FCHSD2: variants seen among roughly 807,000 people sequenced by gnomAD.
FCHSD2 encodes the protein FCH and double SH3 domains 2.
Under a neutral mutation model 108.1 loss-of-function variants are expected in FCHSD2, and 38 were observed. That is an observed-to-expected ratio of 0.35 (90% CI 0.27 to 0.46). The LOEUF (loss-of-function observed/expected upper bound fraction) is 0.46. Ranked by LOEUF, FCHSD2 falls within the 20% of genes least tolerant of loss-of-function variation. The pLI is 1.00. For missense variants in FCHSD2, 751 were observed against 897.8 expected (o/e 0.84, Z 2.09); for synonymous variants, 279 against 314.7 (o/e 0.89, Z 1.20).
chr11:73,013,573 G>C (rs1857906779), intron 4 of FCHSD2, among the ~76,000 whole-genome samples: 1 of 152,198 alleles, frequency 6.6e-6, no homozygotes, highest in Admixed American at 6.5e-5. Context: ...ATAGCTATCT[G>C]ACCTTGAGTA....
chr11:72,998,865 T>C (rs1037033787), intron 5 of FCHSD2, among the ~76,000 whole-genome samples: 2 of 152,180 alleles, frequency 1.3e-5, no homozygotes, highest in Non-Finnish European at 2.9e-5. Flanking sequence ...TTGTGCACTG[T>C]TGGTGGGAAT....
intron 2 of FCHSD2, among the ~76,000 whole-genome samples, chr11:73,091,131 T>C (rs1859946468): frequency 6.6e-6 from 1 of 152,242 alleles, no homozygotes; most frequent in Non-Finnish European, 1.5e-5. Context: ...TTCCATTCTA[T>C]GAGTATACCA....
intron 3 of FCHSD2, among the ~76,000 whole-genome samples, chr11:73,052,346 C>T (rs978301575): frequency 2.0e-5 from 3 of 151,956 alleles, no homozygotes; most frequent in South Asian, 2.1e-4. Context: ...CAGATTAAGC[C>T]GTTTACTCCA....
At chr11:73,018,339 T>C (rs1858019394) in intron 3 of FCHSD2, among the ~76,000 whole-genome samples, 2 of 152,182 alleles carry the variant, frequency 1.3e-5, no homozygotes, top group African/African-American at 4.8e-5. Flanking sequence ...TTCTCATTCT[T>C]TGGGTCTTAC....
In FCHSD2 at chr11:72,842,741, T is replaced by G; in HGVS notation, c.1806A>C (p.Gln602His). The G allele has an allele frequency of 6.2e-7, 1 of 1,614,036 alleles. No homozygotes were observed. The highest frequency in any genetic ancestry group is 1.1e-5 in the South Asian group (1 of 91,084). Residue 602 changes from glutamine to histidine, a missense_variant, in exon 17 of 20, where the codon CAA becomes CAC. Gln to His is a conservative substitution (Grantham distance 24). Coordinates refer to ENST00000409418, the MANE Select transcript of FCHSD2 (RefSeq NM_014824.3). Reference protein sequence around the residue: ...AIIRILNKENQDDDGFWEGEF... With the variant: ...AIIRILNKENHDDDGFWEGEF... ...CCCCTTCCCAGAAGCCATCATCATC[T>G]TGGTTTTCTTTGTTCAAGATACGGA...
intron 8 of FCHSD2, among the ~76,000 whole-genome samples, chr11:72,948,070 C>A (rs923702698): frequency 6.6e-6 from 1 of 152,100 alleles, no homozygotes; most frequent in African/African-American, 2.4e-5. Context: ...TGCAGTGGTG[C>A]GATCTCGGCT....
chr11:73,078,867 G>A (rs941679028), intron 3 of FCHSD2, among the ~76,000 whole-genome samples: 11 of 152,072 alleles, frequency 7.2e-5, no homozygotes, highest in South Asian at 2.1e-4. Context: ...AGAGGCATGC[G>A]TCACCTCGCC....
chr11:73,139,260 G>T (rs940067055), intron 2 of FCHSD2, among the ~76,000 whole-genome samples: 1 of 152,174 alleles, frequency 6.6e-6, no homozygotes, highest in Non-Finnish European at 1.5e-5. Flanking sequence ...AACTGATGAG[G>T]CTTACAGACC....
chr11:72,945,181 G>A (rs1856495169), intron 8 of FCHSD2, among the ~76,000 whole-genome samples: 1 of 152,146 alleles, frequency 6.6e-6, no homozygotes, highest in Non-Finnish European at 1.5e-5. Context: ...AAACAGCATG[G>A]TACTGGTACC....
intron 3 of FCHSD2, among the ~76,000 whole-genome samples, chr11:73,075,011 A>G (rs1359319069): frequency 6.6e-6 from 1 of 152,220 alleles, no homozygotes; most frequent in African/African-American, 2.4e-5. Flanking sequence ...CAGGCACTTA[A>G]TAACACAAAA....
rs964049646 is a variant in FCHSD2, at chr11:73,043,994, T to C, written c.166-28109A>G. On this transcript the variant is annotated intron_variant, in intron 3 of 19. Transcript: ENST00000409418. ...AACAAACTATTAGGTGAGTGAGAAA[T>C]AAATTTCTTTTTATAAGCCTCAGTG... Among the ~76,000 whole-genome samples the C allele has an allele frequency of 2.6e-5, 4 of 152,156 alleles. 1 individual carries two copies. The highest frequency in any genetic ancestry group is 4.4e-5 in the Non-Finnish European group (3 of 68,014).
intron 18 of FCHSD2, 30 bp from the exon 19 acceptor site, chr11:72,840,989 T>A: frequency 1.3e-6 from 2 of 1,547,896 alleles, no homozygotes; most frequent in African/African-American, 1.4e-5. Flanking sequence ...AAGCTCATTT[T>A]ACTTGAGTTG....
chr11:73,013,090 C>T (rs1028679136), intron 4 of FCHSD2, among the ~76,000 whole-genome samples: 1 of 152,154 alleles, frequency 6.6e-6, no homozygotes, highest in Non-Finnish European at 1.5e-5. Flanking sequence ...TTCAACACCT[C>T]CATTACGTTC....
At chr11:73,046,185 T>C (rs1858761545) in intron 3 of FCHSD2, among the ~76,000 whole-genome samples, 1 of 151,832 alleles carries the variant, frequency 6.6e-6, no homozygotes, top group Non-Finnish European at 1.5e-5. Context: ...AAGACAGGGG[T>C]CTTGCCATCT....
intron 4 of FCHSD2, among the ~76,000 whole-genome samples, chr11:73,011,402 T>C (rs1201137166): frequency 2.6e-5 from 4 of 152,126 alleles, no homozygotes; most frequent in Non-Finnish European, 5.9e-5. Flanking sequence ...AGGTGGGGAA[T>C]ACTTGCCCCA....
rs59906199 is a variant in FCHSD2 at position 72,947,758 on chromosome 11, T to TGCTC, written c.706-25809_706-25808insGAGC. 1.3e-3 allele frequency among the ~76,000 whole-genome samples: 195 copies of TGCTC among 152,134 alleles called. No individual in the cohort carries two copies. In the Middle Eastern group the frequency reaches 0.014, roughly 11 times the overall value. ...AAATATTGAAAACATAATTTTCTCA[T>TGCTC]AAAGAAAATTAAATACAGAAAAATC... On this transcript the variant is annotated intron_variant, in intron 8 of 19. Coordinates refer to ENST00000409418, the MANE Select transcript of FCHSD2 (RefSeq NM_014824.3).
chr11:73,087,565 C>G (rs920388487), intron 2 of FCHSD2, among the ~76,000 whole-genome samples: 3 of 151,876 alleles, frequency 2.0e-5, no homozygotes, highest in African/African-American at 7.3e-5. Flanking sequence ...ATTAGCCAGG[C>G]ATGGTGGCGT....
intron 3 of FCHSD2, among the ~76,000 whole-genome samples, chr11:73,049,036 C>A (rs1286652145): frequency 6.6e-6 from 1 of 152,096 alleles, no homozygotes; most frequent in African/African-American, 2.4e-5. Context: ...GTGGAATAAA[C>A]CTAATACAAT....
At chr11:72,959,220 CTTTTTTTTT>C (rs11408216) in intron 8 of FCHSD2, among the ~76,000 whole-genome samples, 35 of 56,322 alleles carry the variant, frequency 6.2e-4, no homozygotes, top group Middle Eastern at 0.024. Context: ...ATCCAGCAGT[CTTTTTTTTT>C]TTTTTTTTTT....
Sources: allele counts gnomAD v4.1 joint callset (sites outside exome capture counted in the v4.1 genomes callset), GRCh38; gene constraint gnomAD v4.1.1; transcripts MANE v1.5; gene names NCBI Gene and HGNC (gene_info 2026-07-23, HGNC 2026-07-21).